Variants in ITIH5 observed in about 807,000 individuals in gnomAD.
ITIH5 encodes inter-alpha-trypsin inhibitor heavy chain 5, also known as inter-alpha-trypsin inhibitor heavy chain H5.
ITIH5 carries 65 observed loss-of-function variants against 77.5 expected under a neutral mutation model. That is an observed-to-expected ratio of 0.84 (90% CI 0.69 to 1.03). The LOEUF is 1.03. Among genes scored for constraint, ITIH5 ranks in the 50% least tolerant of loss-of-function variants. The probability of loss-of-function intolerance (pLI) is 0.00; values close to 1 mark genes in which losing one functional copy is unlikely to be tolerated. For synonymous variants in ITIH5, 525 were observed against 494.3 expected, an observed-to-expected ratio of 1.06 and a Z score of -0.82; for missense variants, 1,208 against 1,213.1, an observed-to-expected ratio of 1.00 and a Z score of 0.06.
At chr10:7,651,215 C>A (rs1415752158) in intron 2 of ITIH5, among the ~76,000 whole-genome samples, 1 of 150,178 alleles carries the variant, frequency 6.7e-6, no homozygotes, top group Non-Finnish European at 1.5e-5. Context: ...CAGCAGACAA[C>A]CCTGCTGCAA....
chr10:7,656,356 A>T (rs1436327676), intron 1 of ITIH5, among the ~76,000 whole-genome samples: 1 of 152,114 alleles, frequency 6.6e-6, no homozygotes, highest in Non-Finnish European at 1.5e-5. Flanking sequence ...CTGGGACTAC[A>T]GGCATGAGCC....
chr10:7,572,373 C>A (rs937350622), intron 11 of ITIH5: 6 of 1,366,926 alleles, frequency 4.4e-6, no homozygotes, highest in Non-Finnish European at 5.9e-6. Flanking sequence ...TTGAAAAAAT[C>A]TGTTCTTCCC....
intron 7 of ITIH5, among the ~76,000 whole-genome samples, chr10:7,597,066 T>TAAAAAAAAAAAAAAAA (rs1832917997): frequency 3.0e-5 from 1 of 32,948 alleles, no homozygotes; most frequent in Non-Finnish European, 1.1e-4. Context: ...AAAAAAAAAT[T>TAAAAAAAAAAAAAAAA]CCACCAAAGA....
intron 2 of ITIH5, among the ~76,000 whole-genome samples, chr10:7,650,143 C>T (rs538107915): frequency 1.3e-5 from 2 of 152,276 alleles, no homozygotes; most frequent in East Asian, 3.9e-4. Flanking sequence ...AATCAAGCCA[C>T]CCGAGGATGT....
chr10:7,577,706 A>T (rs1380281244), intron 9 of ITIH5, among the ~76,000 whole-genome samples: 1 of 152,186 alleles, frequency 6.6e-6, no homozygotes, highest in Non-Finnish European at 1.5e-5. Context: ...TCCCTTTCAA[A>T]AGGCCTAGAA....
chr10:7,631,697 C>T (rs902501466), intron 5 of ITIH5, among the ~76,000 whole-genome samples: 2 of 151,770 alleles, frequency 1.3e-5, no homozygotes, highest in African/African-American at 4.8e-5. Context: ...GAAAACTTGT[C>T]GGTGGAAAAG....
intron 5 of ITIH5, among the ~76,000 whole-genome samples, chr10:7,632,946 A>G (rs1269016629): frequency 1.3e-5 from 2 of 152,226 alleles, no homozygotes; most frequent in South Asian, 2.1e-4. Context: ...AATTTAGGCC[A>G]TAAGTGAGAC....
At position 7,561,457 on chromosome 10, in the gene ITIH5, C is replaced by T. The variant is rs1832038395; in HGVS notation, c.*1626G>A. 6.6e-6 allele frequency: 1 copy of T among 152,296 alleles called. No homozygotes were observed. The highest frequency in any genetic ancestry group is 2.4e-5 in the African/African-American group (1 of 41,458). 9.4% of individuals were successfully genotyped at this position (152,296 alleles called of 1,614,324 possible). ...TCTGAGCTCTACAGTCTGAAAGCATCTGTCAGCAGCACTGGCTGGCAGCCT... is the reference window on the plus strand; with the variant it reads ...TCTGAGCTCTACAGTCTGAAAGCATTTGTCAGCAGCACTGGCTGGCAGCCT... On this transcript the variant is annotated 3_prime_UTR_variant, in exon 14 of 14. Transcript: ENST00000397146.
chr10:7,661,596 T>C (rs1002509679), intron 1 of ITIH5, among the ~76,000 whole-genome samples: 1 of 152,224 alleles, frequency 6.6e-6, no homozygotes, highest in Non-Finnish European at 1.5e-5. Context: ...GCTGCAAGTT[T>C]GTTTAGCTAT....
chr10:7,604,182 T>C (rs1030304091), intron 7 of ITIH5, among the ~76,000 whole-genome samples: 2 of 152,218 alleles, frequency 1.3e-5, no homozygotes, highest in African/African-American at 4.8e-5. Context: ...CCCATGGTTA[T>C]AAGGGAAGTC....
intron 1 of ITIH5, among the ~76,000 whole-genome samples, chr10:7,662,380 C>A (rs989291576): frequency 6.6e-6 from 1 of 151,728 alleles, no homozygotes; most frequent in African/African-American, 2.4e-5. Flanking sequence ...GAGAGACAGA[C>A]AGAGAAAAGA....
At chr10:7,571,036 A>C (rs926496405) in intron 11 of ITIH5, among the ~76,000 whole-genome samples, 7 of 152,220 alleles carry the variant, frequency 4.6e-5, no homozygotes, top group Non-Finnish European at 8.8e-5. Context: ...AAGCTGCAGC[A>C]AACTAACATC....
At chr10:7,612,379 G>A (rs1675528606) in intron 7 of ITIH5, among the ~76,000 whole-genome samples, 1 of 152,190 alleles carries the variant, frequency 6.6e-6, no homozygotes, top group Non-Finnish European at 1.5e-5. Flanking sequence ...TATGTGACTA[G>A]TGGCTATTGT....
At chr10:7,582,467 A>T (rs866241773) in intron 8 of ITIH5, among the ~76,000 whole-genome samples, 71 of 151,598 alleles carry the variant, frequency 4.7e-4, no homozygotes, top group African/African-American at 1.5e-3. Context: ...TTTTTTTTTT[A>T]AAATGGCTTA....
chr10:7,609,525 C>T (rs1833198922), intron 7 of ITIH5: 3 of 452,778 alleles, frequency 6.6e-6, no homozygotes, highest in South Asian at 4.7e-5. Flanking sequence ...GTGAGTGAAC[C>T]AAAATCGACA....
intron 4 of ITIH5, among the ~76,000 whole-genome samples, chr10:7,640,129 T>G (rs1284573174): frequency 7.7e-6 from 1 of 129,198 alleles, no homozygotes; most frequent in Non-Finnish European, 1.6e-5. Flanking sequence ...TCACAATATT[T>G]AGAGTTAGGG....
At chr10:7,586,618 T>G (rs190824019) in intron 7 of ITIH5, among the ~76,000 whole-genome samples, 1 of 152,252 alleles carries the variant, frequency 6.6e-6, no homozygotes, top group East Asian at 1.9e-4. Flanking sequence ...TCCTAACAGC[T>G]AGTGACAAGA....
Position 7,666,934 on chromosome 10 carries a change from A to G in ITIH5, c.-42T>C. ...GGGACGCTCGGGGACCCGGCGGGAC[A>G]CGCTTTGCAGCGCCCAGGGCTCCAG... On this transcript the variant is annotated 5_prime_UTR_variant, in exon 1 of 14. Transcript: ENST00000397146. 1 of 1,520,520 alleles carries G rather than the reference A, an allele frequency of 6.6e-7. No individual in the cohort carries two copies. Among genetic ancestry groups the G allele is most frequent in the East Asian group, 2.5e-5 (1 of 40,438 alleles). 94.2% of individuals were successfully genotyped at this position (1,520,520 alleles called of 1,614,324 possible).
chr10:7,658,119 TGTAA>T (rs778696020), intron 1 of ITIH5, among the ~76,000 whole-genome samples: 5 of 152,178 alleles, frequency 3.3e-5, no homozygotes, highest in Non-Finnish European at 7.3e-5. Flanking sequence ...TTTTTGTAAG[TGTAA>T]GTGTTTTTAT....
Sources: gnomAD v4.1 joint callset for allele counts (sites outside exome capture counted in the v4.1 genomes callset) on GRCh38, gnomAD v4.1.1 for gene constraint, MANE v1.5 for transcripts, NCBI Gene and HGNC (gene_info 2026-07-23, HGNC 2026-07-21) for gene names.